Variants in CCDC158 observed in about 807,000 individuals in gnomAD.
CCDC158 encodes coiled-coil domain-containing protein 158.
CCDC158 carries 116 observed loss-of-function variants against 138.6 expected under a neutral mutation model. The observed-to-expected ratio is 0.84, with a 90% CI of 0.72 to 0.98. The LOEUF is 0.98. CCDC158 is among the 50% of genes least tolerant of loss of function. CCDC158 has a pLI of 0.00. For missense variants in CCDC158, 1,265 were observed against 1,306.1 expected (o/e 0.97, Z 0.48); for synonymous variants, 436 against 442.4 (o/e 0.99, Z 0.18).
At chr4:76,416,598 G>A (rs779568388) in intron 1 of CCDC158, among the ~76,000 whole-genome samples, 8 of 152,164 alleles carry the variant, frequency 5.3e-5, no homozygotes, top group Admixed American at 6.5e-5. Context: ...GCTGTGTGCA[G>A]CCTAGGGACT....
At chr4:76,315,461 G>T (rs939973279) in intron 24 of CCDC158, among the ~76,000 whole-genome samples, 2 of 152,108 alleles carry the variant, frequency 1.3e-5, no homozygotes, top group African/African-American at 4.8e-5. Flanking sequence ...ATCATAGCTT[G>T]TGCCGTCTTG....
chr4:76,376,668 C>T (rs898789560), intron 9 of CCDC158, among the ~76,000 whole-genome samples: 2 of 152,090 alleles, frequency 1.3e-5, no homozygotes, highest in Non-Finnish European at 2.9e-5. Flanking sequence ...TCAGCTACAC[C>T]ATGTAATTAA....
chr4:76,334,720 A>C (rs897925038), intron 18 of CCDC158, among the ~76,000 whole-genome samples: 10 of 152,202 alleles, frequency 6.6e-5, no homozygotes, highest in African/African-American at 2.4e-4. Flanking sequence ...TAATATAATA[A>C]GGAATACTGA....
At chr4:76,326,656 A>G (rs191676426) in intron 22 of CCDC158, among the ~76,000 whole-genome samples, 4 of 152,326 alleles carry the variant, frequency 2.6e-5, no homozygotes, top group Admixed American at 2.0e-4. Flanking sequence ...AAAGGAACAG[A>G]CTATATTTAA....
chr4:76,339,624 T>C (rs1054288467), intron 18 of CCDC158, among the ~76,000 whole-genome samples: 6 of 152,232 alleles, frequency 3.9e-5, no homozygotes, highest in African/African-American at 1.4e-4. Flanking sequence ...TTCAAGTCTT[T>C]GAATGTTTAC....
intron 12 of CCDC158, among the ~76,000 whole-genome samples, chr4:76,365,095 C>G (rs1724528416): frequency 6.6e-6 from 1 of 152,200 alleles, no homozygotes; most frequent in Non-Finnish European, 1.5e-5. Context: ...TTGAGGCCAG[C>G]TGATAGAATT....
At chr4:76,335,479 G>A (rs984579020) in intron 18 of CCDC158, among the ~76,000 whole-genome samples, 9 of 152,162 alleles carry the variant, frequency 5.9e-5, no homozygotes, top group African/African-American at 1.9e-4. Context: ...AGTGAGCAAT[G>A]TAAAACCCAT....
At chr4:76,333,511 T>C (rs954560642) in intron 19 of CCDC158, among the ~76,000 whole-genome samples, 1 of 152,232 alleles carries the variant, frequency 6.6e-6, no homozygotes, top group Non-Finnish European at 1.5e-5. Flanking sequence ...CTTTTACTAA[T>C]ATGATATAAT....
intron 4 of CCDC158, among the ~76,000 whole-genome samples, chr4:76,386,874 A>T (rs890919576): frequency 6.6e-6 from 1 of 152,122 alleles, no homozygotes; most frequent in African/African-American, 2.4e-5. Context: ...GAGCATTTGG[A>T]CCAGCCCTAG....
chr4:76,331,679 A>G (rs1300832199), intron 20 of CCDC158, among the ~76,000 whole-genome samples: 1 of 152,188 alleles, frequency 6.6e-6, no homozygotes, highest in Non-Finnish European at 1.5e-5. Flanking sequence ...ACAAAAATAA[A>G]TGAACTTTTG....
At chr4:76,325,524 G>C (rs1433990380) in intron 23 of CCDC158, among the ~76,000 whole-genome samples, 1 of 152,138 alleles carries the variant, frequency 6.6e-6, no homozygotes, top group Non-Finnish European at 1.5e-5. Context: ...TAAGAGCTAT[G>C]ATTTCAAAGA....
chr4:76,417,522 A>G (rs187044571), intron 1 of CCDC158, among the ~76,000 whole-genome samples: 1 of 152,254 alleles, frequency 6.6e-6, no homozygotes, highest in African/African-American at 2.4e-5. Context: ...CTTGAACTGT[A>G]TATCCCAGAA....
rs372733100 is a variant in CCDC158 at position 76,323,304 on chromosome 4, T to C, written c.3275A>G (p.Gln1092Arg). 6.8e-6 allele frequency: 11 copies of C among 1,607,218 alleles called. No homozygotes were observed. In the African/African-American group the frequency reaches 1.3e-4, roughly 20 times the overall value. Residue 1092 changes from glutamine to arginine, a missense_variant and splice_region_variant, in exon 24 of 25, where the codon CAA (glutamine) becomes CGA (arginine). Gln to Arg is a conservative substitution (Grantham distance 43). Transcript: ENST00000682701. Reference sequence around the variant, plus strand: ...CTCTCCAAAAACGTACACTGTACCTTGGTTCTTCAGCTGTAAATCTTCTAC... The same window carrying C: ...CTCTCCAAAAACGTACACTGTACCTCGGTTCTTCAGCTGTAAATCTTCTAC... The part of the protein sequence containing the change: ...TLVEDLQLKN[Q>R]AMSSMIRNQE...
chr4:76,359,793 A>C (rs2110206087), intron 13 of CCDC158, among the ~76,000 whole-genome samples: 1 of 152,392 alleles, frequency 6.6e-6, no homozygotes, highest in East Asian at 1.9e-4. Flanking sequence ...AGAGCATAAA[A>C]GTTTGGAAAA....
chr4:76,393,471 T>A (rs1433450210), intron 4 of CCDC158, among the ~76,000 whole-genome samples: 1 of 151,996 alleles, frequency 6.6e-6, no homozygotes, highest in Non-Finnish European at 1.5e-5. Flanking sequence ...TCACCATATT[T>A]AAAAATTAAA....
intron 4 of CCDC158, among the ~76,000 whole-genome samples, chr4:76,389,112 A>T (rs1121625): frequency 1.1e-4 from 16 of 152,218 alleles, no homozygotes; most frequent in African/African-American, 3.9e-4. Flanking sequence ...AAATGAACTA[A>T]GTAAGGTACC....
intron 2 of CCDC158, 109 bp from the exon 3 acceptor site, chr4:76,403,389 T>A (rs560580191): frequency 6.9e-6 from 3 of 434,752 alleles, no homozygotes; most frequent in African/African-American, 6.2e-5. Context: ...TAATTTCTTC[T>A]CCAGAAAAAT....
rs140924879 is a variant in CCDC158 at position 76,417,730 on chromosome 4, G to C, written c.-117+3235C>G. Among the ~76,000 whole-genome samples the C allele has an allele frequency of 1.5e-3, 225 of 152,256 alleles. 1 individual carries two copies. The highest frequency in any genetic ancestry group is 5.0e-3 in the African/African-American group (207 of 41,532). On this transcript the variant is annotated intron_variant, in intron 1 of 24. Transcript: ENST00000682701. The stretch of plus-strand genomic sequence containing the variant: ...AAAACAGACTAACACAGCTCCTCTA[G>C]TTAGGGTAGGTGAGGGAAGGCCTTC...
chr4:76,395,360 T>C (rs1727684718), intron 4 of CCDC158, among the ~76,000 whole-genome samples: 1 of 152,172 alleles, frequency 6.6e-6, no homozygotes, highest in Non-Finnish European at 1.5e-5. Context: ...TTTTTTTTCC[T>C]AAAAGTGCTC....
Sources: allele counts gnomAD v4.1 joint callset (sites outside exome capture counted in the v4.1 genomes callset), GRCh38; gene constraint gnomAD v4.1.1; transcripts MANE v1.5; gene names NCBI Gene and HGNC (gene_info 2026-07-23, HGNC 2026-07-21).